UTP6: variants seen among roughly 807,000 people sequenced by gnomAD.
The protein encoded by UTP6 is UTP6 small subunit processome component.
In UTP6, 60 loss-of-function variants were observed where a neutral mutation model predicts 96.5. That is an observed-to-expected ratio of 0.62 (90% CI 0.51 to 0.77). The LOEUF (loss-of-function observed/expected upper bound fraction) is 0.77, where lower values mean the gene tolerates loss of function less well. UTP6 is among the 30% of genes least tolerant of loss of function. The pLI is 0.00. For missense variants in UTP6, 637 were observed against 706.5 expected (o/e 0.90, Z 1.12); for synonymous variants, 215 against 240.1 (o/e 0.90, Z 0.96).
At chr17:31,866,104 A>C (rs961263533) in intron 17 of UTP6, among the ~76,000 whole-genome samples, 6 of 151,748 alleles carry the variant, frequency 4.0e-5, no homozygotes, top group African/African-American at 1.5e-4. Context: ...TGGCTACAAC[A>C]GTGAAACCCC....
chr17:31,865,389 C>T lies in UTP6; in HGVS notation c.1613G>A (p.Arg538Lys). The T allele has an allele frequency of 6.2e-7, 1 of 1,614,078 alleles. No individual in the cohort carries two copies. The highest frequency in any genetic ancestry group is 8.5e-7 in the Non-Finnish European group (1 of 1,179,974). Residue 538 changes from arginine (R) to lysine (K), a missense_variant, in exon 18 of 19, where the codon AGA becomes AAA. By Grantham distance (26) the Arg-to-Lys change is conservative. Transcript: ENST00000261708. ...NIREYYERAL[R>K]EFGSADSDLW... ...ACCAGAATCTGCGGATCCAAACTCTCTCAAAGCTCTCTCATAATATTCTCT... is the reference window on the plus strand; with the variant it reads ...ACCAGAATCTGCGGATCCAAACTCTTTCAAAGCTCTCTCATAATATTCTCT...
chr17:31,875,835 A>G (rs1209337132), intron 13 of UTP6, among the ~76,000 whole-genome samples: 4 of 151,724 alleles, frequency 2.6e-5, no homozygotes, highest in Non-Finnish European at 4.4e-5. Flanking sequence ...AAAAAAAAAA[A>G]AAAGAAAAGA....
chr17:31,895,448 T>C (rs1050060754), intron 2 of UTP6, among the ~76,000 whole-genome samples: 2 of 152,204 alleles, frequency 1.3e-5, no homozygotes, highest in Admixed American at 6.6e-5. Context: ...TTCCCAAACA[T>C]GACTTTGGAC....
intron 13 of UTP6, among the ~76,000 whole-genome samples, chr17:31,877,924 G>A (rs762783587): frequency 2.7e-5 from 4 of 146,926 alleles, no homozygotes; most frequent in African/African-American, 5.1e-5. Context: ...CTGAGATCGC[G>A]CCACTGTGCT....
intron 9 of UTP6, 27 bp from the exon 10 acceptor site, chr17:31,884,532 A>T (rs548974156): frequency 1.3e-6 from 2 of 1,563,390 alleles, no homozygotes; most frequent in South Asian, 2.3e-5. Flanking sequence ...GGGGAGGGGA[A>T]GTTTATTGCC....
chr17:31,863,555 G>C (rs770105508), intron 18 of UTP6, 39 bp from the exon 19 acceptor site: 50 of 1,531,312 alleles, frequency 3.3e-5, no homozygotes, highest in Admixed American at 6.0e-5. Flanking sequence ...AACTGACAGA[G>C]TGTTATTAGG....
chr17:31,884,002 A>ATTT (rs11444704), intron 10 of UTP6, among the ~76,000 whole-genome samples: 3 of 140,318 alleles, frequency 2.1e-5, no homozygotes, highest in East Asian at 2.1e-4. Context: ...TATGATATTA[A>ATTT]TTTTTTTTTT....
intron 4 of UTP6, among the ~76,000 whole-genome samples, 153 bp from the exon 5 acceptor site, chr17:31,892,947 C>A (rs1161568757): frequency 6.6e-6 from 1 of 152,084 alleles, no homozygotes; most frequent in African/African-American, 2.4e-5. Context: ...CCGAAGCGGG[C>A]GGATCACTTG....
intron 9 of UTP6, 33 bp from the exon 10 acceptor site, chr17:31,884,538 T>G: frequency 6.6e-7 from 1 of 1,525,364 alleles, no homozygotes; most frequent in Non-Finnish European, 9.0e-7. Context: ...GGGAAGTTTA[T>G]TGCCAATAAG....
intron 16 of UTP6, 128 bp downstream of exon 16, chr17:31,873,250 T>C: frequency 1.2e-6 from 1 of 860,044 alleles, no homozygotes; most frequent in Non-Finnish European, 1.8e-6. Context: ...CAAGACTCCA[T>C]CTTAAAAAAA....
intron 13 of UTP6, 59 bp downstream of exon 13, chr17:31,878,191 C>A: frequency 6.4e-7 from 1 of 1,568,784 alleles, no homozygotes; most frequent in Non-Finnish European, 8.8e-7. Context: ...GACTCTGGCA[C>A]AAAACAACTG....
At chr17:31,889,458 G>T in intron 6 of UTP6, 55 bp from the exon 7 acceptor site, 4 of 1,223,792 alleles carry the variant, frequency 3.3e-6, no homozygotes, top group Non-Finnish European at 3.4e-6. Context: ...AGTCAGACAA[G>T]AAAAGAACCA....
intron 2 of UTP6, among the ~76,000 whole-genome samples, chr17:31,897,068 C>G (rs1423500259): frequency 6.6e-6 from 1 of 151,700 alleles, no homozygotes; most frequent in Non-Finnish European, 1.5e-5. Flanking sequence ...AGGAGGATCA[C>G]TTGAGCCCAG....
chr17:31,894,225 C>T (rs1904501392), intron 4 of UTP6, among the ~76,000 whole-genome samples: 1 of 149,892 alleles, frequency 6.7e-6, no homozygotes, highest in African/African-American at 2.5e-5. Context: ...ACCGAGATCA[C>T]CCTACTGTAC....
At chr17:31,873,275 C>T (rs1910294376) in intron 16 of UTP6, 103 bp downstream of exon 16, 3 of 1,119,204 alleles carry the variant, frequency 2.7e-6, no homozygotes, top group Non-Finnish European at 3.9e-6. Context: ...AAAAGTGTAT[C>T]AGATTACTCC....
At chr17:31,882,773 T>A (rs541276382) in intron 10 of UTP6, among the ~76,000 whole-genome samples, 7 of 152,124 alleles carry the variant, frequency 4.6e-5, no homozygotes, top group African/African-American at 1.7e-4. Context: ...ACCCACAAGG[T>A]AGGCTAAAAA....
chr17:31,880,527 G>A (rs762492703), intron 11 of UTP6, 46 bp downstream of exon 11: 1 of 1,611,706 alleles, frequency 6.2e-7, no homozygotes, highest in South Asian at 1.1e-5. Context: ...TTCACAATCA[G>A]GGATACTATT....
chr17:31,896,531 C>T (rs751454150), intron 2 of UTP6, among the ~76,000 whole-genome samples: 2 of 152,158 alleles, frequency 1.3e-5, no homozygotes, highest in East Asian at 1.9e-4. Context: ...TCTCGATTTA[C>T]AGTTCTTTAT....
Position 31,887,408 on chromosome 17 carries a change from G to A in UTP6, c.544-95C>T, listed in dbSNP as rs137866840. The A allele has an allele frequency of 1.0e-3, 916 of 920,374 alleles. 19 individuals carry two copies. In the East Asian group the frequency reaches 0.019, roughly 19 times the overall value. 57.0% of individuals were successfully genotyped at this position (920,374 alleles called of 1,614,324 possible). On this transcript the variant is annotated intron_variant, in intron 7 of 18. Transcript: ENST00000261708. ...TCTGTCACCCAAGCTGGAGTGCACT[G>A]GTGATGACAGCTCATTTCGGCCATG...
Sources: gnomAD v4.1 joint callset for allele counts (sites outside exome capture counted in the v4.1 genomes callset) on GRCh38, gnomAD v4.1.1 for gene constraint, MANE v1.5 for transcripts, NCBI Gene and HGNC (gene_info 2026-07-23, HGNC 2026-07-21) for gene names.